The following CELSR2 variants were observed in gnomAD, a reference collection of about 807,000 sequenced individuals.
CELSR2 encodes EGF-like protein 2.
Under a neutral mutation model 251.6 loss-of-function variants are expected in CELSR2, and 81 were observed. That is an observed-to-expected ratio of 0.32 (90% CI 0.27 to 0.39). The LOEUF (loss-of-function observed/expected upper bound fraction) is 0.39, where lower values mean the gene tolerates loss of function less well. Ranked by LOEUF, CELSR2 falls within the 10% of genes least tolerant of loss-of-function variation. The pLI, the probability that CELSR2 is intolerant of heterozygous loss-of-function variation, is 1.00. For synonymous variants in CELSR2, 1,721 were observed against 1,670.5 expected (o/e 1.03, Z -0.74); for missense variants, 3,365 against 3,947.7 (o/e 0.85, Z 3.96).
chr1:109,269,137 G>A lies in CELSR2; in HGVS notation c.6659G>A (p.Gly2220Asp). Residue 2220 changes from glycine (G) to aspartate (D), a missense_variant, in exon 20 of 34, where the codon GGC becomes GAC. Physicochemically the swap from Gly to Asp is moderately conservative, Grantham distance 94. This residue lies in a region of CELSR2 where 2,093 missense variants were observed against 2,382.8 expected (regional missense o/e 0.88). Coordinates refer to ENST00000271332, the MANE Select transcript of CELSR2 (RefSeq NM_001408.3). The surrounding 1 kb of genome is among the most constrained non-coding windows in gnomAD (Gnocchi z 6.4). ...RETPPVVRPA[G>D]PGEAQEPEEL... ...ACGCCCCCCGTGGTCAGGCCCGCAG[G>A]CCCCGGAGAGGCCCAGGAGCCAGAG... 6.2e-7 allele frequency: 1 copy of A among 1,608,082 alleles called. No individual in the cohort carries two copies. The highest frequency in any genetic ancestry group is 8.5e-7 in the Non-Finnish European group (1 of 1,177,548).
rs764019171 is a variant in CELSR2 at position 109,272,372 on chromosome 1, A to G, written c.8021A>G (p.Lys2674Arg). The G allele has an allele frequency of 8.7e-6, 14 of 1,612,042 alleles. No homozygotes were observed. The highest frequency in any genetic ancestry group is 1.6e-4 in the Middle Eastern group (1 of 6,078). Residue 2674 changes from lysine (K) to arginine (R), a missense_variant, in exon 29 of 34, where the codon AAG becomes AGG. Physicochemically the swap from Lys to Arg is conservative, Grantham distance 26. Coordinates refer to ENST00000271332, the MANE Select transcript of CELSR2 (RefSeq NM_001408.3). ...CTGCACAGCACCAGTCGCTCGGGCA[A>G]GAGTCAGCCCAGCTACATCCCCTTC... ...GSLHSTSRSG[K>R]SQPSYIPFLL...
chr1:109,272,600 G>T, intron 29 of CELSR2, 40 bp from the exon 30 acceptor site: 2 of 1,585,356 alleles, frequency 1.3e-6, no homozygotes, highest in South Asian at 1.1e-5. Context: ...CCTGGGCAAG[G>T]GGCCAGGCTG....
Position 109,271,427 on chromosome 1 carries a change from G to A in CELSR2, c.7718G>A (p.Ser2573Asn), listed in dbSNP as rs1425007202. Reference sequence around the variant, plus strand: ...TCCTTCGCCGTCCTCCTGCTGCTGAGCGCCACGTGGCTGCTGGCACTGCTC... The same window carrying A: ...TCCTTCGCCGTCCTCCTGCTGCTGAACGCCACGTGGCTGCTGGCACTGCTC... ...QPSFAVLLLL[S>N]ATWLLALLSV... The change falls in exon 27 of 34, where the codon AGC (serine) becomes AAC (asparagine). Residue 2573 changes from serine to asparagine, a missense_variant. By Grantham distance (46) the Ser-to-Asn change is conservative. Around this residue, in one of 5 missense-constraint regions of CELSR2, gnomAD observed 2,093 missense variants for 2,382.8 expected, o/e 0.88. Transcript: ENST00000271332. 3 of 1,613,888 alleles carry A rather than the reference G, an allele frequency of 1.9e-6. No homozygotes were observed. Among genetic ancestry groups the A allele is most frequent in the Non-Finnish European group, 2.5e-6 (3 of 1,180,042 alleles).
In CELSR2 at chr1:109,269,535, G is replaced by T. The variant is rs769679749; in HGVS notation, c.6924G>T (p.Leu2308=). Residue 2308 remains leucine, a synonymous_variant, in exon 21 of 34, where the codon CTG becomes CTT. Transcript: ENST00000271332. The surrounding 1 kb of genome is among the most constrained non-coding windows in gnomAD (Gnocchi z 6.4). ...LDKPVTVQFR[L]LETEERTKPI... is the part of the protein sequence containing the mutation. ...AACCCGTCACGGTGCAGTTCCGCCTGCTGGAGACAGAGGAGCGGACCAAGC... is the reference window on the plus strand; with the variant it reads ...AACCCGTCACGGTGCAGTTCCGCCTTCTGGAGACAGAGGAGCGGACCAAGC... 8.1e-6 allele frequency: 13 copies of T among 1,614,002 alleles called. No individual in the cohort carries two copies. Among genetic ancestry groups the T allele is most frequent in the Non-Finnish European group, 2.5e-6 (3 of 1,180,036 alleles).
chr1:109,252,567 C>A lies in CELSR2; in HGVS notation c.2488C>A (p.Pro830Thr). 6.2e-7 allele frequency: 1 copy of A among 1,613,914 alleles called. No individual in the cohort carries two copies. The highest frequency in any genetic ancestry group is 8.5e-7 in the Non-Finnish European group (1 of 1,180,032). The change falls in exon 1 of 34, where the codon CCC becomes ACC. Residue 830 changes from proline to threonine, a missense_variant. By Grantham distance (38) the Pro-to-Thr change is conservative (BLOSUM62 -1). Coordinates refer to ENST00000271332, the MANE Select transcript of CELSR2 (RefSeq NM_001408.3). The surrounding 1 kb of genome is among the most constrained non-coding windows in gnomAD (Gnocchi z 4.8). The stretch of plus-strand genomic sequence containing the variant: ...GGGCAGTGTCTATGAGGATGTGCCA[C>A]CCTTCACTAGCGTCCTGCAGATCTC... ...YQGSVYEDVP[P>T]FTSVLQISAT...
chr1:109,263,466 TC>T, intron 8 of CELSR2, 144 bp from the exon 9 acceptor site: 4 of 1,376,574 alleles, frequency 2.9e-6, no homozygotes, highest in Non-Finnish European at 3.0e-6. Flanking sequence ...CGTGGGGCGG[TC>T]CCAGGGCAGG....
In CELSR2 at chr1:109,262,319, C is replaced by T. The variant is rs1465414663; in HGVS notation, c.4419C>T (p.Gly1473=). 1 of 1,614,146 alleles carries T rather than the reference C, an allele frequency of 6.2e-7. No individual in the cohort carries two copies. Among genetic ancestry groups the T allele is most frequent in the African/African-American group, 1.3e-5 (1 of 75,054 alleles). The change falls in exon 6 of 34, where the codon GGC becomes GGT. Residue 1473 remains glycine (G), a synonymous_variant. Coordinates refer to ENST00000271332, the MANE Select transcript of CELSR2 (RefSeq NM_001408.3). Reference sequence around the variant, plus strand: ...TGGGTCAGACAGGGCTCCCACAGGGCCCATCAGAGCAGAAGGTGGCTGTGG... The same window carrying T: ...TGGGTCAGACAGGGCTCCCACAGGGTCCATCAGAGCAGAAGGTGGCTGTGG... ...PLLGQTGLPQ[G]PSEQKVAVVT...
chr1:109,258,598 G>A lies in CELSR2; in HGVS notation c.3477G>A (p.Thr1159=), dbSNP rs768656316. ...AGGCGGTGGCCGCCACGCTGGCCAC[G>A]CCACCGGACCACGTGGTGGTCTTCA... ...FIQAVAATLA[T]PPDHVVVFNV... The change falls in exon 2 of 34, where the codon ACG becomes ACA. Residue 1159 remains threonine (T), a synonymous_variant. Coordinates refer to ENST00000271332, the MANE Select transcript of CELSR2 (RefSeq NM_001408.3). The A allele has an allele frequency of 1.5e-5, 24 of 1,591,544 alleles. No homozygotes were observed. In the South Asian group the frequency reaches 2.0e-4, roughly 14 times the overall value.
rs1475043734 is a variant in CELSR2 at position 109,261,798 on chromosome 1, C to CT, written c.4298-7dup. ...GTCAGGCATTCCAGCTCACCTGGTCCTTTCCCCAGGGGAGTCAACCACCAC... is the reference window on the plus strand; with the variant it reads ...GTCAGGCATTCCAGCTCACCTGGTCCTTTTCCCCAGGGGAGTCAACCACCAC... On this transcript the variant is annotated splice_polypyrimidine_tract_variant and intron_variant, in intron 4 of 33. Coordinates refer to ENST00000271332, the MANE Select transcript of CELSR2 (RefSeq NM_001408.3). The surrounding 1 kb of genome is among the most constrained non-coding windows in gnomAD (Gnocchi z 4.8). 6.3e-7 allele frequency: 1 copy of CT among 1,585,616 alleles called. No individual in the cohort carries two copies. Among genetic ancestry groups the CT allele is most frequent in the South Asian group, 1.1e-5 (1 of 87,896 alleles).
In CELSR2 at chr1:109,271,532, G is replaced by A; in HGVS notation, c.7803+20G>A. The A allele has an allele frequency of 1.9e-6, 3 of 1,614,184 alleles. 1 individual carries two copies. The South Asian group carries it at 3.3e-5, about 18-fold the overall frequency. ...ATCCAGGTACCTGGCCCAGCCTGTG[G>A]AGAAGGGAGGCACCTGGGCTGTGGA... On this transcript the variant is annotated intron_variant, in intron 27 of 33. Transcript: ENST00000271332.
At position 109,274,194 on chromosome 1, in the gene CELSR2, C is replaced by A; in HGVS notation, c.*145C>A. 1 of 1,573,038 alleles carries A rather than the reference C, an allele frequency of 6.4e-7. No individual in the cohort carries two copies. Among genetic ancestry groups the A allele is most frequent in the Non-Finnish European group, 8.6e-7 (1 of 1,163,250 alleles). On this transcript the variant is annotated 3_prime_UTR_variant, in exon 34 of 34. Coordinates refer to ENST00000271332, the MANE Select transcript of CELSR2 (RefSeq NM_001408.3). ...AAACGTCCATCTGAGGAGCCTGGGC[C>A]TTGCCGGGAGGGGTACTCACCCCAC...
rs1431099037 is a variant in CELSR2 at position 109,251,398 on chromosome 1, G to T, written c.1319G>T (p.Ser440Ile). The change falls in exon 1 of 34, where the codon AGT becomes ATT. Residue 440 changes from serine (S) to isoleucine (I), a missense_variant. By Grantham distance (142) the Ser-to-Ile change is moderately radical. This residue lies in a region of CELSR2 where 704 missense variants were observed against 784.1 expected (regional missense o/e 0.90). Coordinates refer to ENST00000271332, the MANE Select transcript of CELSR2 (RefSeq NM_001408.3). The surrounding 1 kb of genome is among the most constrained non-coding windows in gnomAD (Gnocchi z 4.9). Reference protein sequence around the residue: ...SNAVVHYSIMSGNARGQFYLD... With the variant: ...SNAVVHYSIMIGNARGQFYLD... Reference sequence around the variant, plus strand: ...GCCGTGGTGCACTATAGCATCATGAGTGGCAATGCTCGGGGACAGTTTTAT... The same window carrying T: ...GCCGTGGTGCACTATAGCATCATGATTGGCAATGCTCGGGGACAGTTTTAT... 1 of 1,613,942 alleles carries T rather than the reference G, an allele frequency of 6.2e-7. No homozygotes were observed. The highest frequency in any genetic ancestry group is 8.5e-7 in the Non-Finnish European group (1 of 1,180,038).
rs765150275 is a variant in CELSR2 at position 109,258,640 on chromosome 1, C to G, written c.3519C>G (p.Thr1173=). ...HVVVFNVQRD[T]DAPGGHILNV... Reference sequence around the variant, plus strand: ...TGGTCTTCAACGTACAGCGGGACACCGACGCCCCCGGGGGCCACATCCTCA... The same window carrying G: ...TGGTCTTCAACGTACAGCGGGACACGGACGCCCCCGGGGGCCACATCCTCA... The change falls in exon 2 of 34, where the codon ACC becomes ACG. Residue 1173 remains threonine, a synonymous_variant. Transcript: ENST00000271332. 1.3e-6 allele frequency: 2 copies of G among 1,554,458 alleles called. No homozygotes were observed. Among genetic ancestry groups the G allele is most frequent in the Non-Finnish European group, 1.7e-6 (2 of 1,148,824 alleles).
rs369490352 is a variant in CELSR2, at chr1:109,258,643, C to G, written c.3522C>G (p.Asp1174Glu). The change falls in exon 2 of 34, where the codon GAC (aspartate) becomes GAG (glutamate). Residue 1174 changes from aspartate (D) to glutamate (E), a missense_variant. Around this residue, in one of 5 missense-constraint regions of CELSR2, gnomAD observed 2,093 missense variants for 2,382.8 expected, o/e 0.88. Coordinates refer to ENST00000271332, the MANE Select transcript of CELSR2 (RefSeq NM_001408.3). ...VVVFNVQRDT[D>E]APGGHILNVS... ...TCTTCAACGTACAGCGGGACACCGACGCCCCCGGGGGCCACATCCTCAACG... is the reference window on the plus strand; with the variant it reads ...TCTTCAACGTACAGCGGGACACCGAGGCCCCCGGGGGCCACATCCTCAACG... The G allele has an allele frequency of 3.5e-5, 55 of 1,553,174 alleles. No homozygotes were observed. The highest frequency in any genetic ancestry group is 4.4e-5 in the Non-Finnish European group (50 of 1,148,104).
chr1:109,265,449 G>A, intron 13 of CELSR2, 138 bp downstream of exon 13: 1 of 1,051,648 alleles, frequency 9.5e-7, no homozygotes, highest in Non-Finnish European at 1.4e-6. Context: ...AGGCAGGGCA[G>A]TTGGCTGCTT....
chr1:109,250,408 G>A lies in CELSR2; in HGVS notation c.329G>A (p.Cys110Tyr), dbSNP rs766134724. 1 of 1,613,598 alleles carries A rather than the reference G, an allele frequency of 6.2e-7. No individual in the cohort carries two copies. Among genetic ancestry groups the A allele is most frequent in the Non-Finnish European group, 8.5e-7 (1 of 1,180,028 alleles). The change falls in exon 1 of 34, where the codon TGC becomes TAC. Residue 110 changes from cysteine (C) to tyrosine (Y), a missense_variant. By Grantham distance (194) the Cys-to-Tyr change is radical. Coordinates refer to ENST00000271332, the MANE Select transcript of CELSR2 (RefSeq NM_001408.3). The surrounding 1 kb of genome is among the most constrained non-coding windows in gnomAD (Gnocchi z 4.4). ...HIPLPPAPEG[C>Y]PWSCRLLGIG... is the part of the protein sequence containing the mutation. ...CCCCTACCACCAGCTCCTGAAGGCT[G>A]CCCCTGGAGCTGTCGCCTCCTGGGC... is the stretch of plus-strand genomic sequence containing the variant.
chr1:109,273,842 G>A (rs1415400390), intron 33 of CELSR2, 172 bp downstream of exon 33: 4 of 1,040,156 alleles, frequency 3.8e-6, no homozygotes, highest in Non-Finnish European at 5.8e-6. Context: ...GTGCCTTGCG[G>A]GGAGGGCCAC....
At position 109,252,896 on chromosome 1, in the gene CELSR2, C is replaced by T. The variant is rs775920971; in HGVS notation, c.2817C>T (p.Ala939=). 17 of 1,612,422 alleles carry T rather than the reference C, an allele frequency of 1.1e-5. No individual in the cohort carries two copies. The highest frequency in any genetic ancestry group is 5.5e-5 in the South Asian group (5 of 90,830). ...FVEENSPIGL[A]VARVTATDPD... ...AAGAGAACAGCCCCATTGGGCTAGCCGTGGCCCGGGTCACAGCCACTGACC... is the reference window on the plus strand; with the variant it reads ...AAGAGAACAGCCCCATTGGGCTAGCTGTGGCCCGGGTCACAGCCACTGACC... The change falls in exon 1 of 34, where the codon GCC becomes GCT. Residue 939 remains alanine (A), a synonymous_variant. Transcript: ENST00000271332. This position sits in a 1 kb window ranked among gnomAD's most constrained non-coding sequence, Gnocchi z 4.8.
Position 109,252,690 on chromosome 1 carries a change from G to T in CELSR2, c.2611G>T (p.Gly871Cys). The T allele has an allele frequency of 1.2e-6, 2 of 1,614,042 alleles. No homozygotes were observed. The highest frequency in any genetic ancestry group is 1.7e-6 in the Non-Finnish European group (2 of 1,180,038). ...DGDFIVESTS[G>C]IVRTLRRLDR... ...TGACTTTATTGTTGAGTCCACGTCAGGCATCGTGCGAACGCTACGGAGGCT... is the reference window on the plus strand; with the variant it reads ...TGACTTTATTGTTGAGTCCACGTCATGCATCGTGCGAACGCTACGGAGGCT... The change falls in exon 1 of 34, where the codon GGC (glycine) becomes TGC (cysteine). Residue 871 changes from glycine to cysteine, a missense_variant. Transcript: ENST00000271332. The surrounding 1 kb of genome is among the most constrained non-coding windows in gnomAD (Gnocchi z 4.8).
Sources: allele counts gnomAD v4.1 joint callset, GRCh38; gene constraint gnomAD v4.1.1; regional missense constraint gnomAD v4.1.1; non-coding constraint Gnocchi (gnomAD v3.1); transcripts MANE v1.5; gene names NCBI Gene and HGNC (gene_info 2026-07-23, HGNC 2026-07-21).